The following WNT3A variants were observed in gnomAD, a reference collection of about 807,000 sequenced individuals.
WNT3A encodes protein Wnt-3a.
In WNT3A, 17 loss-of-function variants were observed where a neutral mutation model predicts 37.0. The ratio of observed to expected loss-of-function variants is 0.46; its 90% CI spans 0.31 to 0.69. The LOEUF (loss-of-function observed/expected upper bound fraction) is 0.69, where lower values mean the gene tolerates loss of function less well. Among genes scored for constraint, WNT3A ranks in the 30% least tolerant of loss-of-function variants. The pLI is 0.05. For synonymous variants in WNT3A, 187 were observed against 211.0 expected (o/e 0.89, Z 0.99); for missense variants, 411 against 510.2 (o/e 0.81, Z 1.87).
chr1:228,022,669 C>G lies in WNT3A; in HGVS notation c.74C>G (p.Ser25Trp), dbSNP rs745831522. The G allele has an allele frequency of 6.2e-6, 10 of 1,611,250 alleles. No homozygotes were observed. Among genetic ancestry groups the G allele is most frequent in the Non-Finnish European group, 8.5e-6 (10 of 1,177,734 alleles). Residue 25 changes from serine (S) to tryptophan (W), a missense_variant and splice_region_variant, in exon 2 of 4, where the codon TCG becomes TGG. Physicochemically the swap from Ser to Trp is radical, Grantham distance 177. Transcript: ENST00000284523. Reference sequence around the variant, plus strand: ...CCACCGGATCTTGCCCTCTGCAGGTCGCTGGCTGTTGGGCCACAGTATTCC... The same window carrying G: ...CCACCGGATCTTGCCCTCTGCAGGTGGCTGGCTGTTGGGCCACAGTATTCC... ...QALGSYPIWWSLAVGPQYSSL... is the reference protein window; with the variant it reads ...QALGSYPIWWWLAVGPQYSSL...
Position 228,037,221 on chromosome 1 carries a change from C to G in WNT3A, c.314-13435C>G, listed in dbSNP as rs559624058. On this transcript the variant is annotated intron_variant, in intron 2 of 3. Coordinates refer to ENST00000284523, the MANE Select transcript of WNT3A (RefSeq NM_033131.4). This position sits in a 1 kb window ranked among gnomAD's most constrained non-coding sequence, Gnocchi z 4.1. Reference sequence around the variant, plus strand: ...CCCACTCAGCCTTCACACACCACCCCCTCTTCAAGCATTTCCAGTCCCCAC... The same window carrying G: ...CCCACTCAGCCTTCACACACCACCCGCTCTTCAAGCATTTCCAGTCCCCAC... Among the ~76,000 whole-genome samples, 132 of 152,088 alleles carry G rather than the reference C, an allele frequency of 8.7e-4. No homozygotes were observed. The South Asian group carries it at 0.013, about 15-fold the overall frequency.
intron 2 of WNT3A, among the ~76,000 whole-genome samples, chr1:228,049,756 C>T (rs1236928355): frequency 2.6e-5 from 4 of 152,136 alleles, no homozygotes; most frequent in Admixed American, 1.3e-4. Context: ...TGGGTGATGT[C>T]GACCATCTTT....
intron 3 of WNT3A, among the ~76,000 whole-genome samples, chr1:228,051,698 C>T (rs1247571090): frequency 1.3e-5 from 2 of 152,090 alleles, no homozygotes; most frequent in African/African-American, 2.4e-5. Flanking sequence ...CATTGCTACC[C>T]GAGACTGGGT....
chr1:228,015,069 G>A (rs1312061230), intron 1 of WNT3A, among the ~76,000 whole-genome samples: 1 of 152,262 alleles, frequency 6.6e-6, no homozygotes, highest in Non-Finnish European at 1.5e-5. Context: ...TGGAAGGAAA[G>A]ACAAGTCTGT....
chr1:228,052,171 G>T (rs796493041), intron 3 of WNT3A, among the ~76,000 whole-genome samples: 3 of 152,062 alleles, frequency 2.0e-5, no homozygotes, highest in African/African-American at 7.2e-5. Flanking sequence ...TTTCTGGGGG[G>T]GTGGGGACAC....
At chr1:228,055,167 AAAAAAAAAAAAAATATAT>A (rs1170053870) in intron 3 of WNT3A, among the ~76,000 whole-genome samples, 2 of 67,010 alleles carry the variant, frequency 3.0e-5, no homozygotes, top group East Asian at 1.0e-3. Context: ...CCAAAAAAAA[AAAAAAAAAAAAAATATAT>A]ATATATATAT....
Position 228,022,924 on chromosome 1 carries a change from G to T in WNT3A, c.313+16G>T. The T allele has an allele frequency of 6.3e-7, 1 of 1,590,018 alleles. No homozygotes were observed. The highest frequency in any genetic ancestry group is 8.6e-7 in the Non-Finnish European group (1 of 1,164,408). On this transcript the variant is annotated intron_variant, in intron 2 of 3. Transcript: ENST00000284523. ...CTGGACAAAGGTATGGGGGTGGTCTGGGGGAGGGCAGATGAGTCTGGAGTG... is the reference window on the plus strand; with the variant it reads ...CTGGACAAAGGTATGGGGGTGGTCTTGGGGAGGGCAGATGAGTCTGGAGTG...
chr1:228,008,560 G>T lies in WNT3A; in HGVS notation c.71+1361G>T, dbSNP rs936140961. Among the ~76,000 whole-genome samples the T allele has an allele frequency of 6.6e-6, 1 of 152,066 alleles. No homozygotes were observed. The highest frequency in any genetic ancestry group is 1.5e-5 in the Non-Finnish European group (1 of 67,978). ...TTCCGCGTGCCCCATTTCCCGTGCG[G>T]CACCTGCTGCGCCCAGTGGCCCACC... is the stretch of plus-strand genomic sequence containing the variant. On this transcript the variant is annotated intron_variant, in intron 1 of 3. Coordinates refer to ENST00000284523, the MANE Select transcript of WNT3A (RefSeq NM_033131.4). The surrounding 1 kb of genome is among the most constrained non-coding windows in gnomAD (Gnocchi z 4.9).
chr1:228,044,306 T>C (rs1387384866), intron 2 of WNT3A, among the ~76,000 whole-genome samples: 1 of 152,214 alleles, frequency 6.6e-6, no homozygotes, highest in Non-Finnish European at 1.5e-5. Flanking sequence ...ACTATGCCAA[T>C]TGTTCAAAAC....
intron 2 of WNT3A, among the ~76,000 whole-genome samples, chr1:228,036,383 G>A (rs900985012): frequency 1.3e-5 from 2 of 152,130 alleles, no homozygotes; most frequent in Non-Finnish European, 2.9e-5. Flanking sequence ...GTGCATGTGT[G>A]TGTGTGTGTG....
At position 228,060,314 on chromosome 1, in the gene WNT3A, G is replaced by A. The variant is rs777672284; in HGVS notation, c.*849G>A. On this transcript the variant is annotated 3_prime_UTR_variant, in exon 4 of 4. Transcript: ENST00000284523. ...TGGGAAGGTTCCATGAAGCGAGTCG[G>A]GTCCCCAACCCGTGCCCCTGGGATC... is the stretch of plus-strand genomic sequence containing the variant. 3.0e-6 allele frequency: 4 copies of A among 1,349,970 alleles called. No individual in the cohort carries two copies. The highest frequency in any genetic ancestry group is 1.1e-5 in the South Asian group (1 of 87,994). The allele number at this position is 1,349,970 out of a possible 1,614,324, so 83.6% of individuals were successfully genotyped here.
In WNT3A at chr1:228,053,075, G is replaced by T. The variant is rs192277339; in HGVS notation, c.579+2154G>T. Among the ~76,000 whole-genome samples the T allele has an allele frequency of 2.1e-3, 321 of 152,168 alleles. 1 individual carries two copies. The highest frequency in any genetic ancestry group is 3.7e-3 in the Non-Finnish European group (251 of 67,996). ...CTCTCTCTCTTTCTATTACTTTCCT[G>T]CCATATGAGGACATGATGTTCCTCC... On this transcript the variant is annotated intron_variant, in intron 3 of 3. Coordinates refer to ENST00000284523, the MANE Select transcript of WNT3A (RefSeq NM_033131.4).
In WNT3A at chr1:228,010,769, T is replaced by C. The variant is rs550440818; in HGVS notation, c.71+3570T>C. ...GCCTGCTCCACAGCCTCGCTCATGC[T>C]CCCTCCAGGGTCTCCCTCACATCCC... is the stretch of plus-strand genomic sequence containing the variant. On this transcript the variant is annotated intron_variant, in intron 1 of 3. Transcript: ENST00000284523. 1.8e-4 allele frequency among the ~76,000 whole-genome samples: 27 copies of C among 152,306 alleles called. No individual in the cohort carries two copies. In the East Asian group the frequency reaches 4.1e-3, roughly 23 times the overall value.
chr1:228,036,898 T>C (rs1465464289), intron 2 of WNT3A, among the ~76,000 whole-genome samples: 2 of 152,078 alleles, frequency 1.3e-5, no homozygotes, highest in East Asian at 1.9e-4. Flanking sequence ...CTAGGCCAGG[T>C]GGGGCATGTG....
intron 2 of WNT3A, among the ~76,000 whole-genome samples, chr1:228,045,648 T>G (rs1368450990): frequency 6.6e-6 from 1 of 152,132 alleles, no homozygotes; most frequent in African/African-American, 2.4e-5. Context: ...GGCCTGTCTG[T>G]GAACTGATCA....
At chr1:228,040,727 C>CAAA (rs1053159779) in intron 2 of WNT3A, among the ~76,000 whole-genome samples, 1 of 149,738 alleles carries the variant, frequency 6.7e-6, no homozygotes, top group African/African-American at 2.5e-5. Flanking sequence ...ACTAAAAATA[C>CAAA]AAAAAAAAAT....
chr1:228,041,849 C>T (rs1330117736), intron 2 of WNT3A, among the ~76,000 whole-genome samples: 1 of 152,190 alleles, frequency 6.6e-6, no homozygotes, highest in African/African-American at 2.4e-5. Context: ...CTTACCAAGG[C>T]AAGGACTCTC....
chr1:228,022,266 T>G (rs373150502), intron 1 of WNT3A, among the ~76,000 whole-genome samples: 26 of 152,206 alleles, frequency 1.7e-4, no homozygotes, highest in African/African-American at 5.3e-4. Context: ...GGGACCAGCC[T>G]GGGCAACATA....
At chr1:228,032,909 G>T (rs1258509092) in intron 2 of WNT3A, among the ~76,000 whole-genome samples, 2 of 152,168 alleles carry the variant, frequency 1.3e-5, no homozygotes, top group Non-Finnish European at 1.5e-5. Flanking sequence ...GTTTTCATTT[G>T]CATTTCCCTG....
Sources: allele counts gnomAD v4.1 joint callset (sites outside exome capture counted in the v4.1 genomes callset), GRCh38; gene constraint gnomAD v4.1.1; non-coding constraint Gnocchi (gnomAD v3.1); transcripts MANE v1.5; gene names NCBI Gene and HGNC (gene_info 2026-07-23, HGNC 2026-07-21).